ECE1: variants seen among roughly 807,000 people sequenced by gnomAD.
ECE1 encodes the protein endothelin converting enzyme 1.
A neutral mutation model predicts 98.6 loss-of-function variants in ECE1; 35 were observed. The observed-to-expected ratio is 0.35, with a 90% confidence interval of 0.27 to 0.47. The LOEUF (loss-of-function observed/expected upper bound fraction) is 0.47, where lower values mean the gene tolerates loss of function less well. Ranked by LOEUF, ECE1 falls within the 20% of genes least tolerant of loss-of-function variation. The pLI is 1.00. For missense variants in ECE1, 814 were observed against 1,025.3 expected (o/e 0.79, Z 2.81); for synonymous variants, 394 against 407.1 (o/e 0.97, Z 0.39).
intron 1 of ECE1, among the ~76,000 whole-genome samples, chr1:21,342,626 AC>A: frequency 7.9e-6 from 1 of 126,824 alleles, no homozygotes; most frequent in Middle Eastern, 3.4e-3. Flanking sequence ...ACACACACAC[AC>A]ACACACACAC....
At chr1:21,238,038 G>C in intron 11 of ECE1, 96 bp downstream of exon 11, 1 of 1,157,846 alleles carries the variant, frequency 8.6e-7, no homozygotes, top group Non-Finnish European at 1.3e-6. Context: ...CCAGGAGCAG[G>C]AAAGGCCCAG....
At chr1:21,268,358 T>C (rs757933610) in intron 4 of ECE1, among the ~76,000 whole-genome samples, 10 of 152,076 alleles carry the variant, frequency 6.6e-5, no homozygotes, top group African/African-American at 2.2e-4. Context: ...TGCTGGCCAC[T>C]TGGGGGAGTG....
chr1:21,273,580 G>A (rs2103325409), intron 3 of ECE1, among the ~76,000 whole-genome samples: 1 of 152,242 alleles, frequency 6.6e-6, no homozygotes, highest in South Asian at 2.1e-4. Flanking sequence ...TAGGAAGGAG[G>A]AAAGCCTATT....
chr1:21,328,518 T>G (rs899964154), intron 1 of ECE1, among the ~76,000 whole-genome samples: 3 of 152,252 alleles, frequency 2.0e-5, no homozygotes, highest in Admixed American at 2.0e-4. Context: ...TCCCAGCACT[T>G]TGGGAGGCCG....
Position 21,225,083 on chromosome 1 carries a change from G to A in ECE1, c.2040+167C>T, listed in dbSNP as rs959029857. Among the ~76,000 whole-genome samples the A allele has an allele frequency of 4.6e-5, 7 of 152,196 alleles. No individual in the cohort carries two copies. The highest frequency in any genetic ancestry group is 1.0e-4 in the Non-Finnish European group (7 of 68,030). On this transcript the variant is annotated intron_variant, in intron 17 of 18. Transcript: ENST00000374893. This position sits in a 1 kb window ranked among gnomAD's most constrained non-coding sequence, Gnocchi z 5.3. ...AGCCCTGTGGTGGGGGAGCCTCCAC[G>A]GTCGGCATCGCGATTGGTCCTCGCC... is the stretch of plus-strand genomic sequence containing the variant.
chr1:21,228,269 G>A (rs1379382612), intron 14 of ECE1, among the ~76,000 whole-genome samples: 2 of 152,112 alleles, frequency 1.3e-5, no homozygotes, highest in Non-Finnish European at 2.9e-5. Flanking sequence ...GTGTGATCAT[G>A]GCTGACTGCA....
Position 21,345,399 on chromosome 1 carries a change from G to C in ECE1, c.-21C>G, listed in dbSNP as rs563162756. ...ACCATAGCTCGCGTGCTCCGCCCCG[G>C]CTTCGCGCAGCTCCCCGCGCCCGGC... On this transcript the variant is annotated 5_prime_UTR_variant, in exon 1 of 19. Coordinates refer to the ECE1 transcript ENST00000415912. The surrounding 1 kb of genome is among the most constrained non-coding windows in gnomAD (Gnocchi z 5.1). The C allele has an allele frequency of 3.0e-6, 4 of 1,335,238 alleles. No homozygotes were observed. In the East Asian group the frequency reaches 1.3e-4, roughly 44 times the overall value. The allele number at this position is 1,335,238 out of a possible 1,614,324, so 82.7% of individuals were successfully genotyped here. A position where few individuals can be genotyped will look rare whatever the true frequency, so the allele number is the denominator to read the frequency against.
In ECE1 at chr1:21,233,764, G is replaced by GTCTCCAGC; in HGVS notation, c.1567-104_1567-103insGCTGGAGA. ...TCATGGTTAAGAGATTAATCTGCAG[G>GTCTCCAGC]CTGGAGACCGGAATGCAGGGCTTGG... On this transcript the variant is annotated intron_variant, in intron 13 of 18. Transcript: ENST00000374893. This position sits in a 1 kb window ranked among gnomAD's most constrained non-coding sequence, Gnocchi z 4.0. The GTCTCCAGC allele has an allele frequency of 1.9e-6, 2 of 1,072,826 alleles. No homozygotes were observed. Among genetic ancestry groups the GTCTCCAGC allele is most frequent in the Non-Finnish European group, 2.8e-6 (2 of 714,870 alleles). The allele number at this position is 1,072,826 out of a possible 1,614,324, so 66.5% of individuals were successfully genotyped here.
intron 4 of ECE1, among the ~76,000 whole-genome samples, chr1:21,269,699 A>G (rs2098237967): frequency 6.6e-6 from 1 of 152,226 alleles, no homozygotes; most frequent in African/African-American, 2.4e-5. Context: ...ATCCCAGGCA[A>G]GTCAATACTC....
chr1:21,235,703 G>T lies in ECE1; in HGVS notation c.1566+147C>A. On this transcript the variant is annotated intron_variant, in intron 13 of 18. Transcript: ENST00000374893. The surrounding 1 kb of genome is among the most constrained non-coding windows in gnomAD (Gnocchi z 4.2). ...AAGAAGAAGAGGCTTCCTCATGCCTGACCCATACCCAAGCCCCACACCACA... is the reference window on the plus strand; with the variant it reads ...AAGAAGAAGAGGCTTCCTCATGCCTTACCCATACCCAAGCCCCACACCACA... The T allele has an allele frequency of 2.2e-6, 2 of 890,958 alleles. No individual in the cohort carries two copies. Among genetic ancestry groups the T allele is most frequent in the Non-Finnish European group, 3.7e-6 (2 of 534,330 alleles). 55.2% of individuals were successfully genotyped at this position (890,958 alleles called of 1,614,324 possible). A position where few individuals can be genotyped will look rare whatever the true frequency, so the allele number is the denominator to read the frequency against.
upstream of ECE1, among the ~76,000 whole-genome samples, chr1:21,295,154 G>T (rs1327108018): frequency 6.6e-6 from 1 of 152,210 alleles, no homozygotes; most frequent in Non-Finnish European, 1.5e-5. Flanking sequence ...CAAATGAGGA[G>T]GATGATGATA....
intron 4 of ECE1, chr1:21,267,213 C>G (rs1410293325): frequency 6.6e-6 from 1 of 152,302 alleles, no homozygotes; most frequent in African/African-American, 2.4e-5. Flanking sequence ...TCACAGCGTC[C>G]AGAACAGTGA....
rs1483260328 is a variant in ECE1 at position 21,235,433 on chromosome 1, G to A, written c.1566+417C>T. On this transcript the variant is annotated intron_variant, in intron 13 of 18. Coordinates refer to ENST00000374893, the MANE Select transcript of ECE1 (RefSeq NM_001397.3). This position sits in a 1 kb window ranked among gnomAD's most constrained non-coding sequence, Gnocchi z 4.2. Reference sequence around the variant, plus strand: ...AGGGACAGGAGGTAACTGGAAGCACGACCAGGGAGGGAGGAGGTGGTGTGG... The same window carrying A: ...AGGGACAGGAGGTAACTGGAAGCACAACCAGGGAGGGAGGAGGTGGTGTGG... 6.6e-6 allele frequency among the ~76,000 whole-genome samples: 1 copy of A among 152,122 alleles called. No homozygotes were observed. Among genetic ancestry groups the A allele is most frequent in the African/African-American group, 2.4e-5 (1 of 41,384 alleles).
At chr1:21,255,313 T>C (rs964667069) in intron 8 of ECE1, among the ~76,000 whole-genome samples, 1 of 152,192 alleles carries the variant, frequency 6.6e-6, no homozygotes, top group Non-Finnish European at 1.5e-5. Flanking sequence ...CCCTCTGCAA[T>C]GCCAGCTGAT....
In ECE1 at chr1:21,256,039, AGTC is replaced by A; in HGVS notation, c.925_927del (p.Asp309del). ...GTGATGTTGGCCAGTGCCGTCTCAA[AGTC>A]CAAGATCTGCTGCATCTGGGGCCGG... is the stretch of plus-strand genomic sequence containing the variant. On this transcript the variant is annotated inframe_deletion, in exon 8 of 19. Transcript: ENST00000374893. 2 of 1,613,582 alleles carry A rather than the reference AGTC, an allele frequency of 1.2e-6. No individual in the cohort carries two copies. Among genetic ancestry groups the A allele is most frequent in the Non-Finnish European group, 1.7e-6 (2 of 1,179,460 alleles).
intron 4 of ECE1, among the ~76,000 whole-genome samples, chr1:21,269,691 C>G (rs543498174): frequency 5.3e-4 from 80 of 152,330 alleles, no homozygotes; most frequent in Admixed American, 5.2e-3. Flanking sequence ...TTTGAACCAT[C>G]CCAGGCAAGT....
At chr1:21,221,715 C>T (rs768559964) in intron 18 of ECE1, 32 bp downstream of exon 18, 1 of 1,603,118 alleles carries the variant, frequency 6.2e-7, no homozygotes, top group Non-Finnish European at 8.5e-7. Flanking sequence ...GCAGAATGTA[C>T]CATGTGTGGC....
At chr1:21,256,686 A>C (rs2098220399) in intron 7 of ECE1, 1 of 153,012 alleles carries the variant, frequency 6.5e-6, no homozygotes, top group African/African-American at 2.4e-5. Context: ...ACAGGTCCCC[A>C]CCTGGGCTGG....
intron 4 of ECE1, among the ~76,000 whole-genome samples, chr1:21,269,185 C>T (rs570013819): frequency 6.6e-6 from 1 of 152,336 alleles, no homozygotes; most frequent in African/African-American, 2.4e-5. Flanking sequence ...AGAAAGAATA[C>T]AGGCTTTGAG....
Sources: allele counts gnomAD v4.1 joint callset (sites outside exome capture counted in the v4.1 genomes callset), GRCh38; gene constraint gnomAD v4.1.1; non-coding constraint Gnocchi (gnomAD v3.1); transcripts MANE v1.5; gene names NCBI Gene and HGNC (gene_info 2026-07-23, HGNC 2026-07-21).